Variants in C16orf95 observed in about 807,000 individuals in gnomAD.
The protein encoded by C16orf95 is uncharacterized protein C16orf95.
Under a neutral mutation model 32.1 loss-of-function variants are expected in C16orf95, and 41 were observed. That is an observed-to-expected ratio of 1.28 (90% CI 1.00 to 1.66). C16orf95 has a LOEUF of 1.66. Among genes scored for constraint, C16orf95 ranks in the 40% most tolerant of loss-of-function variants. C16orf95 has a pLI of 0.00. For missense variants in C16orf95, 399 were observed against 325.9 expected (o/e 1.22, Z -1.73); for synonymous variants, 147 against 128.9 (o/e 1.14, Z -0.95).
intron 3 of C16orf95, 126 bp downstream of exon 3, chr16:87,314,845 T>C: frequency 2.2e-6 from 2 of 898,004 alleles, no homozygotes; most frequent in Non-Finnish European, 3.3e-6. Context: ...AAATAAATAA[T>C]ATCAAACTGT....
At chr16:87,315,664 G>C (rs2150656926) in intron 2 of C16orf95, 108 bp downstream of exon 2, 3 of 850,732 alleles carry the variant, frequency 3.5e-6, no homozygotes, top group Non-Finnish European at 5.1e-6. Context: ...TTTGTGTTTG[G>C]AGGATTCTCT....
intron 4 of C16orf95, among the ~76,000 whole-genome samples, chr16:87,310,781 G>T: frequency 6.6e-6 from 1 of 152,190 alleles, no homozygotes; most frequent in Non-Finnish European, 1.5e-5. Context: ...GGGAAGGGAG[G>T]TAGTGTGGGA....
In C16orf95 at chr16:87,303,028, G is replaced by C; in HGVS notation, c.*29C>G. The C allele has an allele frequency of 6.5e-7, 1 of 1,535,744 alleles. No homozygotes were observed. The highest frequency in any genetic ancestry group is 8.7e-7 in the Non-Finnish European group (1 of 1,146,552). On this transcript the variant is annotated 3_prime_UTR_variant, in exon 7 of 7. Transcript: ENST00000567970. Reference sequence around the variant, plus strand: ...TTGATCGTGACACATTTTTGTGGCTGTTCTTGACAGTAGCTGAAGATTCCA... The same window carrying C: ...TTGATCGTGACACATTTTTGTGGCTCTTCTTGACAGTAGCTGAAGATTCCA...
intron 6 of C16orf95, among the ~76,000 whole-genome samples, chr16:87,304,420 G>A (rs1910918526): frequency 6.6e-6 from 1 of 152,178 alleles, no homozygotes; most frequent in Non-Finnish European, 1.5e-5. Context: ...ATCCTTTAAG[G>A]CCAAGTGTTC....
chr16:87,306,855 T>G (rs1030026002), intron 5 of C16orf95, among the ~76,000 whole-genome samples: 4 of 152,194 alleles, frequency 2.6e-5, no homozygotes, highest in Non-Finnish European at 5.9e-5. Flanking sequence ...GAGTAAAAAT[T>G]AATGCCATTT....
chr16:87,314,679 T>C (rs565580416), intron 3 of C16orf95, among the ~76,000 whole-genome samples: 16 of 152,342 alleles, frequency 1.1e-4, no homozygotes, highest in Admixed American at 3.3e-4. Context: ...ATCAAACCTC[T>C]AGAAGTCTAG....
At chr16:87,311,084 A>T (rs1911262257) in intron 4 of C16orf95, 66 bp downstream of exon 4, 2 of 1,361,816 alleles carry the variant, frequency 1.5e-6, no homozygotes, top group Non-Finnish European at 1.9e-6. Context: ...TCTTCCTCCC[A>T]TCTCCCCTTC....
intron 1 of C16orf95, among the ~76,000 whole-genome samples, chr16:87,316,458 TAAG>T (rs1904339234): frequency 6.6e-6 from 1 of 152,202 alleles, no homozygotes; most frequent in African/African-American, 2.4e-5. Context: ...GTGGAAACCG[TAAG>T]AGCGATATAA....
intron 3 of C16orf95, among the ~76,000 whole-genome samples, chr16:87,314,375 A>G (rs769764353): frequency 6.6e-6 from 1 of 152,248 alleles, no homozygotes; most frequent in Non-Finnish European, 1.5e-5. Flanking sequence ...AAGAATCTCA[A>G]AATAATTATG....
Position 87,305,875 on chromosome 16 carries a change from T to TTGTGCCAGCAGC in C16orf95, c.533_544dup (p.His181_Asn182insSerCysTrpHis). The TTGTGCCAGCAGC allele has an allele frequency of 6.9e-7, 1 of 1,441,940 alleles. No individual in the cohort carries two copies. Among genetic ancestry groups the TTGTGCCAGCAGC allele is most frequent in the Non-Finnish European group, 9.1e-7 (1 of 1,101,184 alleles). The allele number at this position is 1,441,940 out of a possible 1,614,324, so 89.3% of individuals were successfully genotyped here. A position where few individuals can be genotyped will look rare whatever the true frequency, so the allele number is the denominator to read the frequency against. On this transcript the variant is annotated inframe_insertion, in exon 6 of 7. Coordinates refer to ENST00000567970, the MANE Select transcript of C16orf95 (RefSeq NM_001195124.3). This position sits in a 1 kb window ranked among gnomAD's most constrained non-coding sequence, Gnocchi z 4.2. The stretch of plus-strand genomic sequence containing the variant: ...CTCATCACCGCAGATCCGCCAGCAG[T>TTGTGCCAGCAGC]TGTGCCAGCAGCATGCATCCAGCAG...
rs562966246 is a variant in C16orf95 at position 87,306,046 on chromosome 16, T to C, written c.515-141A>G. On this transcript the variant is annotated intron_variant, in intron 5 of 6. Transcript: ENST00000567970. ...AGCCACAGCCCCGGGGTGGGGACAC[T>C]GACCCGGAGCTCACGAGATAAAGGC... is the stretch of plus-strand genomic sequence containing the variant. 20 of 557,930 alleles carry C rather than the reference T, an allele frequency of 3.6e-5. No homozygotes were observed. The South Asian group carries it at 6.9e-4, about 19-fold the overall frequency. The allele number at this position is 557,930 out of a possible 1,614,324, so 34.6% of individuals were successfully genotyped here.
intron 5 of C16orf95, among the ~76,000 whole-genome samples, chr16:87,306,355 G>A (rs1911029750): frequency 6.6e-6 from 1 of 152,162 alleles, no homozygotes; most frequent in South Asian, 2.1e-4. Context: ...CACAAGCACG[G>A]ATGGAATTCC....
chr16:87,312,086 T>A (rs1911307758), intron 3 of C16orf95, among the ~76,000 whole-genome samples: 1 of 152,214 alleles, frequency 6.6e-6, no homozygotes, highest in African/African-American at 2.4e-5. Flanking sequence ...CACTCTTGCC[T>A]CAGTTCCTCA....
intron 3 of C16orf95, 53 bp from the exon 4 acceptor site, chr16:87,311,349 T>G: frequency 6.8e-7 from 1 of 1,460,804 alleles, no homozygotes; most frequent in Middle Eastern, 1.8e-4. Context: ...GCCATGCCTG[T>G]CCCCAATGAC....
intron 5 of C16orf95, among the ~76,000 whole-genome samples, chr16:87,306,553 C>T (rs1368147625): frequency 2.0e-5 from 3 of 151,918 alleles, no homozygotes; most frequent in African/African-American, 7.3e-5. Flanking sequence ...AATTATGCCA[C>T]AAAAACATAG....
At position 87,317,223 on chromosome 16, in the gene C16orf95, G is replaced by A. The variant is rs1163075898; in HGVS notation, c.20C>T (p.Pro7Leu). The change falls in exon 1 of 7, where the codon CCA (proline) becomes CTA (leucine). Residue 7 changes from proline to leucine, a missense_variant. By Grantham distance (98) the Pro-to-Leu change is moderately conservative. Transcript: ENST00000567970. Reference protein sequence around the residue: MRASRSPPSPRRCHHHH... With the variant: MRASRSLPSPRRCHHHH... ...ATGGTGACAACGCCGCGGGGACGGT[G>A]GGGACCGGCTCGCACGCATATGGCT... 3 of 1,529,678 alleles carry A rather than the reference G, an allele frequency of 2.0e-6. No individual in the cohort carries two copies. Among genetic ancestry groups the A allele is most frequent in the East Asian group, 5.0e-5 (2 of 40,396 alleles). 94.8% of individuals were successfully genotyped at this position (1,529,678 alleles called of 1,614,324 possible). A position where few individuals can be genotyped will look rare whatever the true frequency, so the allele number is the denominator to read the frequency against.
chr16:87,315,918 C>A, intron 1 of C16orf95, 95 bp from the exon 2 acceptor site: 2 of 860,368 alleles, frequency 2.3e-6, no homozygotes, highest in South Asian at 2.2e-5. Context: ...AGAACTGACT[C>A]TTAATAATAA....
chr16:87,316,608 C>T (rs1475980997), intron 1 of C16orf95, among the ~76,000 whole-genome samples: 1 of 152,098 alleles, frequency 6.6e-6, no homozygotes, highest in Non-Finnish European at 1.5e-5. Flanking sequence ...GCATCCGAGG[C>T]CCCTTCTGGT....
intron 5 of C16orf95, chr16:87,306,141 T>C (rs916341502): frequency 2.5e-6 from 1 of 393,888 alleles, no homozygotes; most frequent in African/African-American, 2.1e-5. Flanking sequence ...CTTGCTCTTT[T>C]AGAACAGCAT....
Sources: allele counts gnomAD v4.1 joint callset (sites outside exome capture counted in the v4.1 genomes callset), GRCh38; gene constraint gnomAD v4.1.1; non-coding constraint Gnocchi (gnomAD v3.1); transcripts MANE v1.5; gene names NCBI Gene and HGNC (gene_info 2026-07-23, HGNC 2026-07-21).